SUGCT: variants seen among roughly 807,000 people sequenced by gnomAD.
The protein encoded by SUGCT is succinyl-CoA:glutarate-CoA transferase, also known as succinyl-CoA:glutarate CoA-transferase.
SUGCT carries 41 observed loss-of-function variants against 55.0 expected under a neutral mutation model. That is an observed-to-expected ratio of 0.74 (90% CI 0.58 to 0.97). The LOEUF (loss-of-function observed/expected upper bound fraction) is 0.97, where lower values mean the gene tolerates loss of function less well. SUGCT is among the 50% of genes least tolerant of loss of function. The probability of loss-of-function intolerance (pLI) is 0.00; values close to 1 mark genes in which losing one functional copy is unlikely to be tolerated. For missense variants in SUGCT, 568 were observed against 547.8 expected (o/e 1.04, Z -0.37); for synonymous variants, 187 against 200.4 (o/e 0.93, Z 0.56).
chr7:40,745,370 T>C (rs1787684314), intron 12 of SUGCT, among the ~76,000 whole-genome samples: 1 of 152,190 alleles, frequency 6.6e-6, no homozygotes, highest in Non-Finnish European at 1.5e-5. Context: ...TACAAATTTT[T>C]TTCTTCTGCC....
the SUGCT span, among the ~76,000 whole-genome samples, chr7:40,906,653 G>C: frequency 3.0e-4 from 46 of 152,302 alleles, no homozygotes; most frequent in Non-Finnish European, 4.4e-4. Context: ...AAATATGCAA[G>C]AGGATGTGCG....
At chr7:40,681,411 A>G (rs1293340741) in intron 12 of SUGCT, among the ~76,000 whole-genome samples, 1 of 152,170 alleles carries the variant, frequency 6.6e-6, no homozygotes, top group Non-Finnish European at 1.5e-5. Context: ...AGATAGCTTA[A>G]TGGGTAGAGG....
chr7:40,225,737 A>G (rs546634611), intron 6 of SUGCT, among the ~76,000 whole-genome samples: 1 of 152,222 alleles, frequency 6.6e-6, no homozygotes, highest in South Asian at 2.1e-4. Flanking sequence ...TGCCTGGCTA[A>G]GATCGATGAA....
In SUGCT at chr7:40,178,067, AGTTT is replaced by A. The variant is rs376303533; in HGVS notation, c.101-2874_101-2871del. ...TGCCTACCATTATCTGATTTTTAATAGTTTGTTTGAATCAGGCTCTAAGTGAGGC... is the reference window on the plus strand; with the variant it reads ...TGCCTACCATTATCTGATTTTTAATAGTTTGAATCAGGCTCTAAGTGAGGC... On this transcript the variant is annotated intron_variant, in intron 1 of 13. Transcript: ENST00000335693. Among the ~76,000 whole-genome samples the A allele has an allele frequency of 4.0e-4, 61 of 152,300 alleles. 1 individual carries two copies. In the South Asian group the frequency reaches 0.012, roughly 31 times the overall value.
chr7:40,255,927 C>T (rs941474681), intron 7 of SUGCT, among the ~76,000 whole-genome samples: 5 of 151,962 alleles, frequency 3.3e-5, no homozygotes, highest in African/African-American at 1.2e-4. Context: ...GATATTTGGT[C>T]CTTATGAAGG....
At chr7:40,260,298 A>T (rs1163232912) in intron 7 of SUGCT, among the ~76,000 whole-genome samples, 8 of 152,140 alleles carry the variant, frequency 5.3e-5, no homozygotes, top group Non-Finnish European at 1.0e-4. Context: ...ATTGAGAGAG[A>T]ATCTTTGGGA....
At chr7:40,206,661 A>T (rs897183383) in intron 6 of SUGCT, among the ~76,000 whole-genome samples, 1 of 152,232 alleles carries the variant, frequency 6.6e-6, no homozygotes, top group African/African-American at 2.4e-5. Context: ...GTGTTTGCAT[A>T]TAACTTATGC....
intron 12 of SUGCT, among the ~76,000 whole-genome samples, chr7:40,537,895 G>A (rs73308263): frequency 0.093 from 14,175 of 152,064 alleles, 710 homozygotes; most frequent in Middle Eastern, 0.11. Context: ...AGAAAATAAT[G>A]TATATATGTT....
At chr7:41,028,609 G>A in the SUGCT span, among the ~76,000 whole-genome samples, 1 of 152,230 alleles carries the variant, frequency 6.6e-6, no homozygotes, top group African/African-American at 2.4e-5. Flanking sequence ...GCTGAGTACT[G>A]TAGGCAATTG....
the SUGCT span, among the ~76,000 whole-genome samples, chr7:40,892,958 A>G: frequency 6.6e-6 from 1 of 152,236 alleles, no homozygotes; most frequent in South Asian, 2.1e-4. Context: ...ACAGGTGGAA[A>G]GAGAAAGAAT....
the SUGCT span, among the ~76,000 whole-genome samples, chr7:40,990,191 T>G: frequency 6.6e-6 from 1 of 152,232 alleles, no homozygotes; most frequent in African/African-American, 2.4e-5. Flanking sequence ...ACCTGTAGAA[T>G]GCACATTGTG....
At chr7:40,915,106 C>A in the SUGCT span, among the ~76,000 whole-genome samples, 1 of 152,304 alleles carries the variant, frequency 6.6e-6, no homozygotes, top group South Asian at 2.1e-4. Context: ...CTGAGCATAT[C>A]TTGTTCCCTA....
chr7:40,413,234 T>G (rs895829258), intron 9 of SUGCT, among the ~76,000 whole-genome samples: 16 of 152,166 alleles, frequency 1.1e-4, no homozygotes, highest in Non-Finnish European at 2.4e-4. Flanking sequence ...TCTGGTTGGT[T>G]TACTCTCTGT....
chr7:40,645,813 G>A (rs1800475293), intron 12 of SUGCT, among the ~76,000 whole-genome samples: 1 of 152,152 alleles, frequency 6.6e-6, no homozygotes, highest in South Asian at 2.1e-4. Flanking sequence ...TGCCAATCAA[G>A]CTGGGGTTCA....
At chr7:40,961,135 T>C in the SUGCT span, among the ~76,000 whole-genome samples, 4 of 152,212 alleles carry the variant, frequency 2.6e-5, no homozygotes, top group Non-Finnish European at 4.4e-5. Flanking sequence ...CCCACACTCC[T>C]GATAAAAGTT....
intron 8 of SUGCT, among the ~76,000 whole-genome samples, chr7:40,277,995 A>G (rs1002854310): frequency 1.2e-4 from 18 of 152,088 alleles, no homozygotes; most frequent in African/African-American, 4.3e-4. Context: ...AGCTTCATCC[A>G]TGTCCCTACG....
At chr7:40,530,143 C>G (rs1213579112) in intron 12 of SUGCT, among the ~76,000 whole-genome samples, 1 of 152,158 alleles carries the variant, frequency 6.6e-6, no homozygotes, top group Non-Finnish European at 1.5e-5. Context: ...TAATGCATTT[C>G]TTTATACCAG....
chr7:40,177,483 A>G (rs1383584359), intron 1 of SUGCT, among the ~76,000 whole-genome samples: 6 of 152,152 alleles, frequency 3.9e-5, no homozygotes, highest in Admixed American at 3.9e-4. Flanking sequence ...TGCTAAATTA[A>G]ACTGTTAAAT....
chr7:40,745,459 C>T (rs1357684602), intron 12 of SUGCT, among the ~76,000 whole-genome samples: 4 of 152,116 alleles, frequency 2.6e-5, no homozygotes, highest in African/African-American at 4.8e-5. Context: ...TTAAGGTATA[C>T]ATTTTACTCT....
Sources: gnomAD v4.1 joint callset for allele counts (sites outside exome capture counted in the v4.1 genomes callset) on GRCh38, gnomAD v4.1.1 for gene constraint, MANE v1.5 for transcripts, NCBI Gene and HGNC (gene_info 2026-07-23, HGNC 2026-07-21) for gene names.